Variants in NHSL2 observed in about 807,000 individuals in gnomAD.
NHSL2 encodes NHS-like protein 2.
NHSL2 carries 27 observed loss-of-function variants against 53.4 expected under a neutral mutation model. The ratio of observed to expected loss-of-function variants is 0.51; its 90% CI spans 0.37 to 0.70. The LOEUF is 0.70. NHSL2 is among the 30% of genes least tolerant of loss of function. The pLI is 0.00. For missense variants in NHSL2, 892 were observed against 980.1 expected, an observed-to-expected ratio of 0.91 and a Z score of 1.20; for synonymous variants, 408 against 404.1, an observed-to-expected ratio of 1.01 and a Z score of -0.12.
At chrX:72,086,313 T>C (rs934391810) in intron 1 of NHSL2, among the ~76,000 whole-genome samples, 1 of 108,689 alleles carries the variant, frequency 9.2e-6, no homozygotes, top group African/African-American at 3.6e-5. Context: ...CCCTCATTTC[T>C]CATACTTCCT....
At position 72,144,516 on chromosome X, in the gene NHSL2, C is replaced by G; in HGVS notation, c.*942C>G. 2.0e-6 allele frequency: 2 copies of G among 1,022,865 alleles called. No homozygotes were observed. The highest frequency in any genetic ancestry group is 1.3e-6 in the Non-Finnish European group (1 of 774,524). 84.3% of individuals were successfully genotyped at this position (1,022,865 alleles called of 1,213,427 possible). On this transcript the variant is annotated 3_prime_UTR_variant, in exon 8 of 8. Coordinates refer to ENST00000633930, the MANE Select transcript of NHSL2 (RefSeq NM_001013627.3). ...TAATTAACTGAAGGAACAGCATCAT[C>G]AAAGGCTCAAGGATAATGGAAAGTA...
At chrX:72,011,140 C>G (rs748113521) in intron 1 of NHSL2, among the ~76,000 whole-genome samples, 1 of 112,029 alleles carries the variant, frequency 8.9e-6, no homozygotes, top group Non-Finnish European at 1.9e-5. Flanking sequence ...TAATCTGCTC[C>G]TTTTTATTGC....
At chrX:72,020,803 A>G (rs764139292) in intron 1 of NHSL2, among the ~76,000 whole-genome samples, 1 of 112,754 alleles carries the variant, frequency 8.9e-6, no homozygotes, top group East Asian at 2.8e-4. Context: ...GACATAGAAA[A>G]CAAGATCTCT....
At chrX:72,095,891 G>A (rs2041939812) in intron 1 of NHSL2, among the ~76,000 whole-genome samples, 1 of 111,277 alleles carries the variant, frequency 9.0e-6, no homozygotes. Context: ...TACCTTTAAA[G>A]CACTGTACAA....
chrX:72,139,757 C>A lies in NHSL2; in HGVS notation c.2209C>A (p.Pro737Thr), dbSNP rs763353048. 1 of 1,211,051 alleles carries A rather than the reference C, an allele frequency of 8.3e-7. No individual in the cohort carries two copies. Among genetic ancestry groups the A allele is most frequent in the South Asian group, 1.8e-5 (1 of 56,880 alleles). Reference protein sequence around the residue: ...SMSLTLGHLPPPSSSVRVRPV... With the variant: ...SMSLTLGHLPTPSSSVRVRPV... ...GTCCCTGACCCTGGGCCACTTACCC[C>A]CTCCAAGCAGCAGTGTCCGGGTACG... The change falls in exon 6 of 8, where the codon CCT (proline) becomes ACT (threonine). Residue 737 changes from proline to threonine, a missense_variant. By Grantham distance (38) the Pro-to-Thr change is conservative. Transcript: ENST00000633930.
At chrX:71,912,200 A>G (rs2041607555) in intron 1 of NHSL2, among the ~76,000 whole-genome samples, 1 of 112,686 alleles carries the variant, frequency 8.9e-6, no homozygotes, top group Admixed American at 9.3e-5. Flanking sequence ...TAGGGGGGCT[A>G]CGCGAGCCCT....
chrX:72,137,340 G>A, intron 5 of NHSL2, 115 bp downstream of exon 5: 5 of 709,341 alleles, frequency 7.0e-6, no homozygotes, highest in Non-Finnish European at 4.1e-6. Context: ...GGAGGAGGGG[G>A]CCTCCGGATG....
At chrX:72,094,621 C>G (rs1021004845) in intron 1 of NHSL2, among the ~76,000 whole-genome samples, 1 of 111,147 alleles carries the variant, frequency 9.0e-6, no homozygotes, top group Non-Finnish European at 1.9e-5. Flanking sequence ...TGGATAACCT[C>G]CATGGGAAGA....
At chrX:72,142,543 C>T (rs2042426117) in intron 7 of NHSL2, among the ~76,000 whole-genome samples, 179 bp downstream of exon 7, 1 of 111,111 alleles carries the variant, frequency 9.0e-6, no homozygotes, top group Admixed American at 9.6e-5. Context: ...GTTCAGATAC[C>T]CACATATGTG....
rs775314922 is a variant in NHSL2 at position 72,139,031 on chromosome X, C to T, written c.1483C>T (p.Arg495Trp). 1.0e-5 allele frequency: 12 copies of T among 1,172,892 alleles called. No homozygotes were observed. Among genetic ancestry groups the T allele is most frequent in the South Asian group, 3.8e-5 (2 of 52,997 alleles). ...AGGCCCCGGTGGGGCCAGCAGATTC[C>T]GGGAGCGGTCACTGTCTGTGCCCAC... ...ETGPGGASRF[R>W]ERSLSVPTDS... The change falls in exon 6 of 8, where the codon CGG (arginine) becomes TGG (tryptophan). Residue 495 changes from arginine (R) to tryptophan (W), a missense_variant. Transcript: ENST00000633930.
At chrX:72,141,107 G>C (rs1221721247) in intron 6 of NHSL2, 1 of 175,699 alleles carries the variant, frequency 5.7e-6, no homozygotes, top group Non-Finnish European at 1.2e-5. Context: ...CCTGTCTTGG[G>C]AACTACTCCA....
intron 1 of NHSL2, among the ~76,000 whole-genome samples, chrX:71,964,904 G>A (rs2147854016): frequency 9.0e-6 from 1 of 111,509 alleles, no homozygotes; most frequent in South Asian, 3.8e-4. Context: ...TGCCTTTGGT[G>A]TTGTATCTAA....
At chrX:72,116,880 G>C (rs1241156065) in intron 1 of NHSL2, among the ~76,000 whole-genome samples, 1 of 111,984 alleles carries the variant, frequency 8.9e-6, no homozygotes, top group Non-Finnish European at 1.9e-5. Context: ...AACTTGGCTA[G>C]CTGTTATGGG....
chrX:72,131,352 G>A (rs1355409936), intron 1 of NHSL2: 1 of 1,205,220 alleles, frequency 8.3e-7, no homozygotes, highest in African/African-American at 1.8e-5. Flanking sequence ...CCTCCGCAAG[G>A]ACGGGCACTA....
At chrX:71,981,444 G>A (rs904759005) in intron 1 of NHSL2, among the ~76,000 whole-genome samples, 10 of 107,915 alleles carry the variant, frequency 9.3e-5, no homozygotes, top group Non-Finnish European at 1.5e-4. Flanking sequence ...TACTCAGGAG[G>A]CTGAGGCACA....
intron 1 of NHSL2, among the ~76,000 whole-genome samples, chrX:72,091,153 A>G (rs954828654): frequency 2.7e-5 from 3 of 112,397 alleles, no homozygotes; most frequent in Non-Finnish European, 5.6e-5. Context: ...AGGAATGTGC[A>G]TTAAAATTTT....
chrX:72,112,676 T>C lies in NHSL2; in HGVS notation c.281-19403T>C, dbSNP rs1188849586. 1.3e-4 allele frequency among the ~76,000 whole-genome samples: 14 copies of C among 111,901 alleles called. No individual in the cohort carries two copies. In the Admixed American group the frequency reaches 1.3e-3, roughly 11 times the overall value. On this transcript the variant is annotated intron_variant, in intron 1 of 7. Coordinates refer to ENST00000633930, the MANE Select transcript of NHSL2 (RefSeq NM_001013627.3). Reference sequence around the variant, plus strand: ...TACAAGGTTCATCCATGTTGTAGCCTGGATCAGAACTTCATTCCTTTTTTT... The same window carrying C: ...TACAAGGTTCATCCATGTTGTAGCCCGGATCAGAACTTCATTCCTTTTTTT...
intron 1 of NHSL2, among the ~76,000 whole-genome samples, chrX:71,962,593 G>A (rs1362775136): frequency 1.9e-5 from 2 of 104,403 alleles, no homozygotes; most frequent in Non-Finnish European, 3.9e-5. Context: ...ATTTCTGTAA[G>A]GTTGGTAGCA....
At chrX:72,037,274 T>A (rs1457646089) in intron 1 of NHSL2, among the ~76,000 whole-genome samples, 1 of 111,053 alleles carries the variant, frequency 9.0e-6, no homozygotes, top group African/African-American at 3.3e-5. Flanking sequence ...AAAAAAAAAT[T>A]AGCCAGGCCT....
Sources: allele counts gnomAD v4.1 joint callset (sites outside exome capture counted in the v4.1 genomes callset), GRCh38; gene constraint gnomAD v4.1.1; transcripts MANE v1.5; gene names NCBI Gene and HGNC (gene_info 2026-07-23, HGNC 2026-07-21).